The following ATAD3B variants were observed in gnomAD, a reference collection of about 807,000 sequenced individuals.
The protein encoded by ATAD3B is ATPase family AAA domain containing 3B, also known as ATPase family AAA domain-containing protein 3B.
A neutral mutation model predicts 70.2 loss-of-function variants in ATAD3B; 59 were observed. That is an observed-to-expected ratio of 0.84 (90% CI 0.68 to 1.04). The LOEUF (loss-of-function observed/expected upper bound fraction) is 1.04. Among genes scored for constraint, ATAD3B ranks in the 50% least tolerant of loss-of-function variants. The pLI is 0.00. For synonymous variants in ATAD3B, 423 were observed against 388.6 expected, an observed-to-expected ratio of 1.09 and a Z score of -1.04; for missense variants, 961 against 913.4, an observed-to-expected ratio of 1.05 and a Z score of -0.67.
At position 1,484,894 on chromosome 1, in the gene ATAD3B, C is replaced by A. The variant is rs1022009783; in HGVS notation, c.751-122C>A. ...CTGGGAATTCGGGTTCCTGTGGGGCCAGCACACGGCCCTGTGCTTCTCCCT... is the reference window on the plus strand; with the variant it reads ...CTGGGAATTCGGGTTCCTGTGGGGCAAGCACACGGCCCTGTGCTTCTCCCT... On this transcript the variant is annotated intron_variant, in intron 7 of 15. Coordinates refer to ENST00000673477, the MANE Select transcript of ATAD3B (RefSeq NM_031921.6). 5.2e-5 allele frequency: 75 copies of A among 1,437,056 alleles called. 1 individual carries two copies. Among genetic ancestry groups the A allele is most frequent in the Non-Finnish European group, 2.8e-6 (3 of 1,084,248 alleles). The allele number at this position is 1,437,056 out of a possible 1,614,324, so 89.0% of individuals were successfully genotyped here.
intron 4 of ATAD3B, among the ~76,000 whole-genome samples, chr1:1,480,146 C>T (rs1639831241): frequency 6.9e-6 from 1 of 144,520 alleles, no homozygotes; most frequent in Non-Finnish European, 1.5e-5. Context: ...CACAGTGTGC[C>T]TCATACATAC....
At position 1,496,364 on chromosome 1, in the gene ATAD3B, T is replaced by C; in HGVS notation, c.*547T>C. 1.6e-6 allele frequency: 1 copy of C among 629,816 alleles called. No homozygotes were observed. The highest frequency in any genetic ancestry group is 2.0e-6 in the Non-Finnish European group (1 of 504,668). 39.0% of individuals were successfully genotyped at this position (629,816 alleles called of 1,614,324 possible). ...ACATCAGCCTCGCGCCACATCCGAG[T>C]TGGGGTCTGAATGCTGCCCGGGACT... On this transcript the variant is annotated 3_prime_UTR_variant, in exon 16 of 16. Coordinates refer to ENST00000673477, the MANE Select transcript of ATAD3B (RefSeq NM_031921.6).
At chr1:1,500,728 C>T (rs1397588680), downstream of ATAD3B, among the ~76,000 whole-genome samples, 46 of 151,150 alleles carry the variant, frequency 3.0e-4, no homozygotes, top group Non-Finnish European at 4.1e-4. Flanking sequence ...CCGAGGCGGG[C>T]GGATCACGAG....
chr1:1,508,923 C>T, the ATAD3B span, among the ~76,000 whole-genome samples: 2 of 151,742 alleles, frequency 1.3e-5, no homozygotes, highest in Non-Finnish European at 2.9e-5. Flanking sequence ...GGAAGCTGCC[C>T]TGGGTCGGCC....
Position 1,487,878 on chromosome 1 carries a change from G to T in ATAD3B, c.1230G>T (p.Met410Ile). Reference sequence around the variant, plus strand: ...TCGTTCACAGCCTCCTGCTCTTCATGGATGAAGCAGACGCCTTCCTTCGGA... The same window carrying T: ...TCGTTCACAGCCTCCTGCTCTTCATTGATGAAGCAGACGCCTTCCTTCGGA... ...NTSRRGLLLF[M>I]DEADAFLRKR... The change falls in exon 12 of 16, where the codon ATG becomes ATT. Residue 410 changes from methionine (M) to isoleucine (I), a missense_variant. By Grantham distance (10) the Met-to-Ile change is conservative (BLOSUM62 1). This residue lies in a region of ATAD3B where 417 missense variants were observed against 335.0 expected (regional missense o/e 1.24). Coordinates refer to ENST00000673477, the MANE Select transcript of ATAD3B (RefSeq NM_031921.6). The T allele has an allele frequency of 6.2e-7, 1 of 1,613,158 alleles. No individual in the cohort carries two copies. Among genetic ancestry groups the T allele is most frequent in the Middle Eastern group, 1.7e-4 (1 of 6,048 alleles).
chr1:1,486,145 A>C lies in ATAD3B; in HGVS notation c.999A>C (p.Ile333=). 2 of 1,613,216 alleles carry C rather than the reference A, an allele frequency of 1.2e-6. No homozygotes were observed. The highest frequency in any genetic ancestry group is 1.7e-6 in the Non-Finnish European group (2 of 1,179,638). The stretch of plus-strand genomic sequence containing the variant: ...AAGCACGGGTGCGCGACATCGCCAT[A>C]GCAACCAGGAACACCAAGAAGAACC... The part of the protein sequence containing the change: ...SLEARVRDIA[I]ATRNTKKNRG... The change falls in exon 10 of 16, where the codon ATA becomes ATC. Residue 333 remains isoleucine (I), a synonymous_variant. Transcript: ENST00000673477.
At chr1:1,486,064 C>T in intron 9 of ATAD3B, 46 bp from the exon 10 acceptor site, 1 of 1,612,004 alleles carries the variant, frequency 6.2e-7, no homozygotes, top group Non-Finnish European at 8.5e-7. Context: ...ACCGAGGCTT[C>T]CGTGGGTGCA....
downstream of ATAD3B, among the ~76,000 whole-genome samples, chr1:1,501,754 G>T (rs540442569): frequency 6.6e-6 from 1 of 152,292 alleles, no homozygotes; most frequent in African/African-American, 2.4e-5. Context: ...TCACCTGGAA[G>T]TAACTATCTT....
chr1:1,504,688 G>A, the ATAD3B span, among the ~76,000 whole-genome samples: 2 of 152,012 alleles, frequency 1.3e-5, no homozygotes, highest in African/African-American at 2.4e-5. Context: ...GAGTGTGGTC[G>A]ACTGCTGGGC....
intron 15 of ATAD3B, among the ~76,000 whole-genome samples, 166 bp downstream of exon 15, chr1:1,490,837 A>G (rs1034250729): frequency 6.6e-6 from 1 of 152,020 alleles, no homozygotes; most frequent in African/African-American, 2.4e-5. Flanking sequence ...GGGCCACTCC[A>G]CGCAGCAGCG....
chr1:1,482,828 A>G (rs1403273265), intron 7 of ATAD3B: 7 of 688,568 alleles, frequency 1.0e-5, no homozygotes, highest in Non-Finnish European at 1.8e-5. Flanking sequence ...ACACGGTGAG[A>G]CCCCATCTCT....
At chr1:1,504,280 C>T in the ATAD3B span, among the ~76,000 whole-genome samples, 1 of 152,096 alleles carries the variant, frequency 6.6e-6, no homozygotes, top group Non-Finnish European at 1.5e-5. Flanking sequence ...GCCACAGTGC[C>T]TGGTCCCTCA....
intron 10 of ATAD3B, 76 bp downstream of exon 10, chr1:1,486,311 G>A (rs1640213416): frequency 1.2e-6 from 2 of 1,606,612 alleles, no homozygotes; most frequent in African/African-American, 2.7e-5. Context: ...GGGGGCCTCA[G>A]CCGCCTGGGG....
rs1237947410 is a variant in ATAD3B, at chr1:1,481,645, C to G, written c.515-493C>G. On this transcript the variant is annotated intron_variant, in intron 5 of 15. Transcript: ENST00000673477. ...TTCAGTAGCCAGGCACGTGGCACGTCACGCGTGTCTGAGTTCTGACAGCTG... is the reference window on the plus strand; with the variant it reads ...TTCAGTAGCCAGGCACGTGGCACGTGACGCGTGTCTGAGTTCTGACAGCTG... 3.0e-5 allele frequency among the ~76,000 whole-genome samples: 4 copies of G among 133,062 alleles called. 1 individual carries two copies. The highest frequency in any genetic ancestry group is 5.4e-4 in the South Asian group (2 of 3,674). The allele number at this position is 133,062 out of a possible 152,430, so 87.3% of individuals were successfully genotyped here.
At chr1:1,501,145 A>G (rs530683059), downstream of ATAD3B, among the ~76,000 whole-genome samples, 7 of 151,622 alleles carry the variant, frequency 4.6e-5, no homozygotes, top group South Asian at 2.1e-4. Flanking sequence ...CTGGAGTGCA[A>G]TGGCGTGATC....
At chr1:1,473,256 C>T (rs1001223172) in intron 1 of ATAD3B, among the ~76,000 whole-genome samples, 11 of 150,194 alleles carry the variant, frequency 7.3e-5, no homozygotes, top group African/African-American at 2.5e-4. Context: ...TCTCCTGCCT[C>T]AGCCTCCCGA....
Position 1,480,259 on chromosome 1 carries a change from C to A in ATAD3B, c.445-608C>A, listed in dbSNP as rs1639840406. ...TACTGCACGTGAGGGCATGCACACA[C>A]ACGCCCTGCACACCCCCACACACAG... On this transcript the variant is annotated intron_variant, in intron 4 of 15. Transcript: ENST00000673477. Among the ~76,000 whole-genome samples the A allele has an allele frequency of 5.2e-5, 7 of 135,710 alleles. 1 individual carries two copies. In the South Asian group the frequency reaches 1.8e-3, roughly 34 times the overall value. The allele number at this position is 135,710 out of a possible 152,430, so 89.0% of individuals were successfully genotyped here.
chr1:1,494,783 C>T (rs1377546226), intron 15 of ATAD3B, among the ~76,000 whole-genome samples: 1 of 151,720 alleles, frequency 6.6e-6, no homozygotes, highest in African/African-American at 2.4e-5. Context: ...TGTGCTTCCT[C>T]CAGGTGTCCT....
chr1:1,500,896 A>G (rs867723534), downstream of ATAD3B, among the ~76,000 whole-genome samples: 19 of 151,536 alleles, frequency 1.3e-4, no homozygotes, highest in African/African-American at 2.9e-4. Flanking sequence ...GGCGGAGCTT[A>G]CAGTGAGCCG....
Sources: gnomAD v4.1 joint callset for allele counts (sites outside exome capture counted in the v4.1 genomes callset) on GRCh38, gnomAD v4.1.1 for gene constraint, gnomAD v4.1.1 regional missense constraint, MANE v1.5 for transcripts, NCBI Gene and HGNC (gene_info 2026-07-23, HGNC 2026-07-21) for gene names.